MDM4: variants seen among roughly 807,000 people sequenced by gnomAD.
The protein encoded by MDM4 is MDM4 regulator of p53, also known as protein Mdm4.
Under a neutral mutation model 60.2 loss-of-function variants are expected in MDM4, and 2 were observed. The ratio of observed to expected loss-of-function variants is 0.03; its 90% CI spans 0.01 to 0.10. The LOEUF is 0.10. Among genes scored for constraint, MDM4 ranks in the 10% least tolerant of loss-of-function variants. The pLI is 1.00. For synonymous variants in MDM4, 202 were observed against 198.1 expected (o/e 1.02, Z -0.17); for missense variants, 447 against 577.5 (o/e 0.77, Z 2.32).
intron 10 of MDM4, among the ~76,000 whole-genome samples, chr1:204,548,517 C>T (rs1662887974): frequency 6.6e-6 from 1 of 152,060 alleles, no homozygotes; most frequent in Admixed American, 6.6e-5. Context: ...CTAGTGTCTC[C>T]TAATTTGAAT....
At chr1:204,541,872 A>G (rs568378704) in intron 7 of MDM4, among the ~76,000 whole-genome samples, 39 of 152,326 alleles carry the variant, frequency 2.6e-4, no homozygotes, top group African/African-American at 7.7e-4. Flanking sequence ...CTTTCACCAT[A>G]TGTACTTCAG....
rs2102321748 is a variant in MDM4, at chr1:204,526,395, T to C, written c.114T>C (p.His38=). The C allele has an allele frequency of 6.2e-7, 1 of 1,614,034 alleles. No individual in the cohort carries two copies. The highest frequency in any genetic ancestry group is 1.1e-5 in the South Asian group (1 of 91,082). ...RPKLPLLKIL[H]AAGAQGEMFT... Reference sequence around the variant, plus strand: ...AACTGCCGCTTTTGAAGATTTTGCATGCAGCAGGTGCGCAAGGTGAAATGT... The same window carrying C: ...AACTGCCGCTTTTGAAGATTTTGCACGCAGCAGGTGCGCAAGGTGAAATGT... Residue 38 remains histidine (H), a synonymous_variant, in exon 3 of 11, where the codon CAT becomes CAC. Coordinates refer to ENST00000367182, the MANE Select transcript of MDM4 (RefSeq NM_002393.5).
In MDM4 at chr1:204,554,441, T is replaced by C. The variant is rs1271938324; in HGVS notation, c.*4759T>C. On this transcript the variant is annotated 3_prime_UTR_variant, in exon 11 of 11. Coordinates refer to ENST00000367182, the MANE Select transcript of MDM4 (RefSeq NM_002393.5). ...GTTTTGATCCTGATGCTACCTTTGC[T>C]AAAAATGGCCATAGATTAGGAACTA... 2 of 226,240 alleles carry C rather than the reference T, an allele frequency of 8.8e-6. No homozygotes were observed. The highest frequency in any genetic ancestry group is 1.8e-5 in the Non-Finnish European group (2 of 113,810). 14.0% of individuals were successfully genotyped at this position (226,240 alleles called of 1,614,324 possible). A position where few individuals can be genotyped will look rare whatever the true frequency, so the allele number is the denominator to read the frequency against.
At chr1:204,519,631 G>A (rs1179235399) in intron 1 of MDM4, among the ~76,000 whole-genome samples, 2 of 151,780 alleles carry the variant, frequency 1.3e-5, no homozygotes, top group Non-Finnish European at 2.9e-5. Context: ...CTTTAGCTCA[G>A]AATTTGAGAC....
chr1:204,522,741 G>C (rs894579989), intron 1 of MDM4, among the ~76,000 whole-genome samples: 3 of 151,990 alleles, frequency 2.0e-5, no homozygotes, highest in Non-Finnish European at 2.9e-5. Flanking sequence ...TTTCCTATTT[G>C]ACTTATTTTA....
intron 7 of MDM4, among the ~76,000 whole-genome samples, chr1:204,540,010 G>T (rs756056475): frequency 1.3e-5 from 2 of 151,692 alleles, no homozygotes; most frequent in Non-Finnish European, 2.9e-5. Flanking sequence ...AGCCGGGCGC[G>T]GTGGCTCACG....
In MDM4 at chr1:204,552,255, A is replaced by C. The variant is rs995439002; in HGVS notation, c.*2573A>C. Reference sequence around the variant, plus strand: ...GCCATTGCACCCCAGCCTGGGCAACAATAGCGAAACTGTCTCAGAAAAAAG... The same window carrying C: ...GCCATTGCACCCCAGCCTGGGCAACCATAGCGAAACTGTCTCAGAAAAAAG... On this transcript the variant is annotated 3_prime_UTR_variant, in exon 11 of 11. Transcript: ENST00000367182. The C allele has an allele frequency of 6.6e-6, 1 of 151,742 alleles. No homozygotes were observed. Among genetic ancestry groups the C allele is most frequent in the Non-Finnish European group, 1.5e-5 (1 of 67,984 alleles). 9.4% of individuals were successfully genotyped at this position (151,742 alleles called of 1,614,324 possible). A position where few individuals can be genotyped will look rare whatever the true frequency, so the allele number is the denominator to read the frequency against.
At chr1:204,542,428 G>C (rs568828121) in intron 7 of MDM4, among the ~76,000 whole-genome samples, 1 of 152,288 alleles carries the variant, frequency 6.6e-6, no homozygotes, top group South Asian at 2.1e-4. Context: ...ATACATGGTA[G>C]GAGTGTTTAA....
chr1:204,540,581 G>A (rs918996397), intron 7 of MDM4, among the ~76,000 whole-genome samples: 3 of 151,768 alleles, frequency 2.0e-5, no homozygotes, highest in African/African-American at 7.3e-5. Flanking sequence ...TGGTCAACAT[G>A]GTGAAACACT....
At chr1:204,526,251 G>C in intron 2 of MDM4, 109 bp from the exon 3 acceptor site, 2 of 869,102 alleles carry the variant, frequency 2.3e-6, no homozygotes, top group Non-Finnish European at 3.7e-6. Context: ...GCAAGACCTT[G>C]CCTCAAAAAA....
intron 3 of MDM4, chr1:204,529,095 A>G: frequency 7.3e-7 from 1 of 1,363,466 alleles, no homozygotes; most frequent in Non-Finnish European, 1.0e-6. Flanking sequence ...TGTGTAGCTA[A>G]TGGAGCCTGA....
At chr1:204,532,808 A>G (rs1470856154) in intron 5 of MDM4, 37 of 1,611,608 alleles carry the variant, frequency 2.3e-5, no homozygotes, top group Admixed American at 5.0e-5. Context: ...CACGCTCTAG[A>G]GTTGGCAGAT....
chr1:204,529,599 C>G (rs1660638988), intron 3 of MDM4: 4 of 1,299,478 alleles, frequency 3.1e-6, no homozygotes, highest in Non-Finnish European at 4.2e-6. Flanking sequence ...CTGCCCTCCA[C>G]TACTGGGGGG....
Position 204,549,382 on chromosome 1 carries a change from A to G in MDM4, c.1173A>G (p.Ser391=), listed in dbSNP as rs1438097812. Residue 391 remains serine (S), a synonymous_variant, in exon 11 of 11, where the codon TCA becomes TCG. Transcript: ENST00000367182. ...ENSKLFDPCN[S]VEFLDLAHSS... ...CCAAACTTTTTGATCCCTGCAACTC[A>G]GTGGAATTCTTGGATTTGGCTCACA... 1 of 1,613,920 alleles carries G rather than the reference A, an allele frequency of 6.2e-7. No individual in the cohort carries two copies.
chr1:204,530,657 C>T (rs187201991), intron 3 of MDM4, 27 bp from the exon 4 acceptor site: 6 of 1,613,692 alleles, frequency 3.7e-6, no homozygotes, highest in Middle Eastern at 1.7e-4. Flanking sequence ...CTGGACAGAT[C>T]ACAACATGGT....
intron 8 of MDM4, 91 bp from the exon 9 acceptor site, chr1:204,544,444 A>G (rs1395361861): frequency 3.4e-5 from 43 of 1,272,858 alleles, no homozygotes; most frequent in Non-Finnish European, 4.7e-5. Flanking sequence ...ATGTAGTGTG[A>G]CGACATTGAG....
chr1:204,523,473 A>AT (rs60954516), intron 1 of MDM4, among the ~76,000 whole-genome samples: 4,458 of 58,826 alleles, frequency 0.076, 459 homozygotes, highest in African/African-American at 0.12. Context: ...CCTAAAAAAA[A>AT]TTTTTTTTTT....
chr1:204,541,064 A>G (rs1662021347), intron 7 of MDM4, among the ~76,000 whole-genome samples: 1 of 152,210 alleles, frequency 6.6e-6, no homozygotes, highest in East Asian at 1.9e-4. Context: ...ATTCCAGTCT[A>G]TATGATATTA....
At chr1:204,535,799 C>G (rs1388177762) in intron 5 of MDM4, among the ~76,000 whole-genome samples, 2 of 151,924 alleles carry the variant, frequency 1.3e-5, no homozygotes, top group East Asian at 3.9e-4. Flanking sequence ...CCTCGACCTC[C>G]CAAAGTTCTG....
Sources: allele counts gnomAD v4.1 joint callset (sites outside exome capture counted in the v4.1 genomes callset), GRCh38; gene constraint gnomAD v4.1.1; transcripts MANE v1.5; gene names NCBI Gene and HGNC (gene_info 2026-07-23, HGNC 2026-07-21).